LY75: variants seen among roughly 807,000 people sequenced by gnomAD.
The protein encoded by LY75 is lymphocyte antigen 75.
In LY75, 185 loss-of-function variants were observed where a neutral mutation model predicts 231.7. That is an observed-to-expected ratio of 0.80 (90% CI 0.71 to 0.90). The LOEUF (loss-of-function observed/expected upper bound fraction) is 0.90, where lower values mean the gene tolerates loss of function less well. Ranked by LOEUF, LY75 falls within the 40% of genes least tolerant of loss-of-function variation. LY75 has a pLI of 0.00. For synonymous variants in LY75, 668 were observed against 689.0 expected (o/e 0.97, Z 0.48); for missense variants, 1,947 against 2,050.2 (o/e 0.95, Z 0.97).
intron 28 of LY75, among the ~76,000 whole-genome samples, chr2:159,821,411 T>C (rs943751818): frequency 6.6e-5 from 10 of 150,762 alleles, no homozygotes; most frequent in African/African-American, 9.7e-5. Flanking sequence ...AGGTCAGGAG[T>C]TCGAGACCAG....
In LY75 at chr2:159,806,994, C is replaced by G; in HGVS notation, c.4969G>C (p.Val1657Leu). 6.2e-7 allele frequency: 1 copy of G among 1,613,506 alleles called. No homozygotes were observed. The highest frequency in any genetic ancestry group is 8.5e-7 in the Non-Finnish European group (1 of 1,179,680). Reference sequence around the variant, plus strand: ...TTACCCAGAGGCACTTTGCAGACAACTCTTCCAAAACCATGTTCACATTCA... The same window carrying G: ...TTACCCAGAGGCACTTTGCAGACAAGTCTTCCAAAACCATGTTCACATTCA... ...KVECEHGFGR[V>L]VCKVPLGPDY... The change falls in exon 34 of 35, where the codon GTT becomes CTT. Residue 1657 changes from valine (V) to leucine (L), a missense_variant. Physicochemically the swap from Val to Leu is conservative, Grantham distance 32. Transcript: ENST00000263636.
rs562981895 is a variant in LY75 at position 159,903,922 on chromosome 2, G to A, written c.94+667C>T. Among the ~76,000 whole-genome samples the A allele has an allele frequency of 1.2e-4, 19 of 152,362 alleles. No individual in the cohort carries two copies. In the East Asian group the frequency reaches 3.7e-3, roughly 29 times the overall value. ...CAGCAGGTCCCCAAGCAGGCGACCT[G>A]CCCTTCACCGTGAGGCTGTCAGCCT... is the stretch of plus-strand genomic sequence containing the variant. On this transcript the variant is annotated intron_variant, in intron 1 of 34. Coordinates refer to ENST00000263636, the MANE Select transcript of LY75 (RefSeq NM_002349.4).
chr2:159,889,575 T>G (rs561360548), intron 4 of LY75, among the ~76,000 whole-genome samples: 1 of 152,218 alleles, frequency 6.6e-6, no homozygotes, highest in Non-Finnish European at 1.5e-5. Flanking sequence ...CAATCAAAGT[T>G]CCAATAGGGT....
chr2:159,810,086 T>A (rs1257506306), intron 32 of LY75, among the ~76,000 whole-genome samples: 1 of 151,510 alleles, frequency 6.6e-6, no homozygotes, highest in Middle Eastern at 3.2e-3. Context: ...CAGGCTGGAG[T>A]GCAGTGGTGC....
In LY75 at chr2:159,808,571, T is replaced by G. The variant is rs766467632; in HGVS notation, c.4700A>C (p.Asp1567Ala). Residue 1567 changes from aspartate to alanine, a missense_variant and splice_region_variant, in exon 33 of 35, where the codon GAT becomes GCT. Transcript: ENST00000263636. ...TATGGAAACGATAGTTGCAGAGTGA[T>G]CTGTTGAAAGAAAACACATTCTCAA... is the stretch of plus-strand genomic sequence containing the variant. ...SEAKKLCSKH[D>A]HSATIVSIKD... 1.2e-5 allele frequency: 20 copies of G among 1,613,134 alleles called. No individual in the cohort carries two copies. Among genetic ancestry groups the G allele is most frequent in the Non-Finnish European group, 1.6e-5 (19 of 1,179,884 alleles).
chr2:159,824,348 A>G lies in LY75; in HGVS notation c.3959-4428T>C, dbSNP rs143654445. Reference sequence around the variant, plus strand: ...CTCTGATAAAACAGACTTTAAACTAACAAAGATCAAAAGAGACAAAGAAGG... The same window carrying G: ...CTCTGATAAAACAGACTTTAAACTAGCAAAGATCAAAAGAGACAAAGAAGG... On this transcript the variant is annotated intron_variant, in intron 28 of 34. Coordinates refer to ENST00000263636, the MANE Select transcript of LY75 (RefSeq NM_002349.4). Among the ~76,000 whole-genome samples, 1,300 of 152,346 alleles carry G rather than the reference A, an allele frequency of 8.5e-3. 10 individuals are homozygous for G. Among genetic ancestry groups the G allele is most frequent in the Non-Finnish European group, 0.014 (983 of 68,024 alleles).
At chr2:159,874,163 A>ATATAT (rs1685115343) in intron 12 of LY75, among the ~76,000 whole-genome samples, 1 of 5,850 alleles carries the variant, frequency 1.7e-4, no homozygotes, top group Non-Finnish European at 5.0e-4. Context: ...ATATATATAA[A>ATATAT]CGTATATATA....
chr2:159,805,294 G>T, intron 34 of LY75, 72 bp from the exon 35 acceptor site: 1 of 1,168,520 alleles, frequency 8.6e-7, no homozygotes, highest in Non-Finnish European at 1.3e-6. Flanking sequence ...ATACATTATG[G>T]GTTGTGTCAC....
At chr2:159,812,356 T>A (rs906321864) in intron 31 of LY75, 1 of 151,962 alleles carries the variant, frequency 6.6e-6, no homozygotes, top group African/African-American at 2.4e-5. Flanking sequence ...GAAGATCCAT[T>A]TTTTTTAATT....
intron 23 of LY75, among the ~76,000 whole-genome samples, chr2:159,848,170 A>ATGTGTG (rs148611605): frequency 3.7e-4 from 55 of 146,938 alleles, no homozygotes; most frequent in Admixed American, 2.4e-3. Context: ...GTGTGTGTAT[A>ATGTGTG]TGTATATATA....
chr2:159,866,851 A>G (rs1684871350), intron 13 of LY75, among the ~76,000 whole-genome samples: 1 of 152,166 alleles, frequency 6.6e-6, no homozygotes, highest in Admixed American at 6.6e-5. Context: ...CACAATCCAC[A>G]ATACAACCAG....
intron 34 of LY75, among the ~76,000 whole-genome samples, chr2:159,805,954 C>T (rs528292194): frequency 6.6e-6 from 1 of 152,146 alleles, no homozygotes; most frequent in African/African-American, 2.4e-5. Flanking sequence ...TTCAGTTCTT[C>T]CCTGAGCGCT....
chr2:159,842,202 T>C, intron 24 of LY75, 43 bp downstream of exon 24: 2 of 1,586,308 alleles, frequency 1.3e-6, no homozygotes, highest in Non-Finnish European at 8.6e-7. Flanking sequence ...TATATATATG[T>C]AATAGCATAA....
In LY75 at chr2:159,810,667, G is replaced by A. The variant is rs145119395; in HGVS notation, c.4558C>T (p.Leu1520=). 1 of 1,606,560 alleles carries A rather than the reference G, an allele frequency of 6.2e-7. No individual in the cohort carries two copies. Among genetic ancestry groups the A allele is most frequent in the Non-Finnish European group, 8.5e-7 (1 of 1,178,060 alleles). Residue 1520 remains leucine, a synonymous_variant, in exon 32 of 35, where the codon CTG becomes TTG. Coordinates refer to ENST00000263636, the MANE Select transcript of LY75 (RefSeq NM_002349.4). ...ICYKPTKSKK[L]SRLTYSSRCP... ...CTTGATGAATATGTAAGACGGGACA[G>A]CTTTTTAGCTATAAAAATGTTAGAC...
At chr2:159,816,754 AC>A (rs1282055828) in intron 30 of LY75, 51 bp downstream of exon 30, 28 of 1,599,600 alleles carry the variant, frequency 1.8e-5, no homozygotes, top group Non-Finnish European at 2.3e-5. Context: ...CAAATTTCTA[AC>A]CCTCAAAATA....
chr2:159,804,989 A>T lies in LY75; in HGVS notation c.*55T>A. 1.4e-6 allele frequency: 2 copies of T among 1,413,222 alleles called. No individual in the cohort carries two copies. The highest frequency in any genetic ancestry group is 2.0e-6 in the Non-Finnish European group (2 of 1,009,308). 87.5% of individuals were successfully genotyped at this position (1,413,222 alleles called of 1,614,324 possible). On this transcript the variant is annotated 3_prime_UTR_variant, in exon 35 of 35. Coordinates refer to ENST00000263636, the MANE Select transcript of LY75 (RefSeq NM_002349.4). ...GTAAATACTGACACTGGGACATTTT[A>T]AGTGACTAATTTCTCATAACACATT...
chr2:159,860,842 G>A lies in LY75; in HGVS notation c.2247C>T (p.Ile749=). ...MPNEFQQDYD[I]RDCAAVKVFH... is the part of the protein sequence containing the mutation. The stretch of plus-strand genomic sequence containing the variant: ...TGACCTTGACAGCAGCACAGTCTCT[G>A]ATGTCATAATCCTGCTGAAACTCAT... The change falls in exon 15 of 35, where the codon ATC becomes ATT. Residue 749 remains isoleucine (I), a synonymous_variant. Transcript: ENST00000263636. 1 of 1,613,934 alleles carries A rather than the reference G, an allele frequency of 6.2e-7. No individual in the cohort carries two copies. Among genetic ancestry groups the A allele is most frequent in the Non-Finnish European group, 8.5e-7 (1 of 1,179,886 alleles).
chr2:159,898,718 C>T lies in LY75; in HGVS notation c.436G>A (p.Glu146Lys), dbSNP rs766827750. The T allele has an allele frequency of 1.9e-5, 31 of 1,613,928 alleles. No individual in the cohort carries two copies. Among genetic ancestry groups the T allele is most frequent in the Non-Finnish European group, 2.5e-5 (30 of 1,179,900 alleles). The change falls in exon 2 of 35, where the codon GAG becomes AAG. Residue 146 changes from glutamate to lysine, a missense_variant. Transcript: ENST00000263636. ...ASDVWKKGGS[E>K]ESLCDQPYHE... ...TAAGGCTGGTCACAAAGGCTTTCCT[C>T]TGAGCCTCCTTTCTTCCAGACATCA...
intron 16 of LY75, among the ~76,000 whole-genome samples, chr2:159,856,482 G>A (rs1684552572): frequency 6.6e-6 from 1 of 152,160 alleles, no homozygotes. Context: ...AGAAAATACA[G>A]ATGAATACAA....
Sources: allele counts gnomAD v4.1 joint callset (sites outside exome capture counted in the v4.1 genomes callset), GRCh38; gene constraint gnomAD v4.1.1; transcripts MANE v1.5; gene names NCBI Gene and HGNC (gene_info 2026-07-23, HGNC 2026-07-21).